PDE7A: variants seen among roughly 807,000 people sequenced by gnomAD.
PDE7A encodes the protein high affinity 3',5'-cyclic-AMP phosphodiesterase 7A.
PDE7A carries 39 observed loss-of-function variants against 64.3 expected under a neutral mutation model. That is an observed-to-expected ratio of 0.61 (90% CI 0.47 to 0.79). The LOEUF (loss-of-function observed/expected upper bound fraction) is 0.79. PDE7A is among the 30% of genes least tolerant of loss of function. The pLI is 0.00. For missense variants in PDE7A, 470 were observed against 582.8 expected, an observed-to-expected ratio of 0.81 and a Z score of 1.99; for synonymous variants, 203 against 206.8, an observed-to-expected ratio of 0.98 and a Z score of 0.16.
chr8:65,757,198 G>A (rs1808274573), intron 3 of PDE7A, among the ~76,000 whole-genome samples: 1 of 152,184 alleles, frequency 6.6e-6, no homozygotes, highest in Non-Finnish European at 1.5e-5. Context: ...GTCCTGCCTT[G>A]GGGCAGGTGA....
intron 3 of PDE7A, among the ~76,000 whole-genome samples, chr8:65,779,175 G>A (rs893670114): frequency 6.6e-6 from 1 of 152,118 alleles, no homozygotes; most frequent in Non-Finnish European, 1.5e-5. Flanking sequence ...ATTACTGAAA[G>A]TGGAACTCCT....
intron 3 of PDE7A, among the ~76,000 whole-genome samples, chr8:65,755,007 T>TA (rs1367930090): frequency 6.7e-6 from 1 of 149,420 alleles, no homozygotes. Flanking sequence ...ATTGCCTGTT[T>TA]ATTTTTTTTT....
chr8:65,789,746 T>C (rs1194198320), intron 1 of PDE7A, among the ~76,000 whole-genome samples: 4 of 152,214 alleles, frequency 2.6e-5, no homozygotes, highest in African/African-American at 9.6e-5. Flanking sequence ...CTGCAGATAA[T>C]ACTGCTGAGA....
At chr8:65,787,349 G>C (rs1809585793) in intron 1 of PDE7A, among the ~76,000 whole-genome samples, 1 of 152,130 alleles carries the variant, frequency 6.6e-6, no homozygotes, top group Non-Finnish European at 1.5e-5. Context: ...TTAAACACGG[G>C]AGCACTGAAC....
intron 1 of PDE7A, among the ~76,000 whole-genome samples, chr8:65,834,626 A>T (rs1810911073): frequency 6.6e-6 from 1 of 152,172 alleles, no homozygotes; most frequent in Non-Finnish European, 1.5e-5. Context: ...ACTTTGCTGA[A>T]ATTTAGTTAC....
chr8:65,734,567 G>A (rs1025404749), intron 7 of PDE7A, among the ~76,000 whole-genome samples: 9 of 152,120 alleles, frequency 5.9e-5, no homozygotes, highest in African/African-American at 1.7e-4. Flanking sequence ...CAAGTGACCT[G>A]GCCCTTGCTT....
chr8:65,771,240 T>G (rs959067270), intron 3 of PDE7A: 1 of 153,412 alleles, frequency 6.5e-6, no homozygotes, highest in Non-Finnish European at 1.5e-5. Flanking sequence ...TAATAAACTG[T>G]ACATATAAAA....
intron 5 of PDE7A, 113 bp from the exon 6 acceptor site, chr8:65,739,710 CT>C: frequency 8.9e-7 from 1 of 1,122,132 alleles, no homozygotes; most frequent in South Asian, 3.4e-5. Context: ...ATAATTCCCA[CT>C]TTTTGTCTAT....
intron 1 of PDE7A, among the ~76,000 whole-genome samples, chr8:65,830,451 T>C (rs1361945306): frequency 1.3e-5 from 2 of 152,044 alleles, no homozygotes; most frequent in Non-Finnish European, 2.9e-5. Flanking sequence ...GACCATCTAC[T>C]AAATTCGTAA....
At position 65,726,912 on chromosome 8, in the gene PDE7A, C is replaced by A; in HGVS notation, c.883G>T (p.Glu295Ter). Residue 295 changes from glutamate (E) to a stop codon, truncating the protein, a stop_gained, in exon 9 of 13, where the codon GAA becomes TAA. Transcript: ENST00000401827. LOFTEE classifies it high-confidence loss of function. ...GGCAGATGTGAGAATAAGCCTGATT[C>A]TCTCAATAAGCCCACTGCAGATCTC... ...HWRSAVGLLRESGLFSHLPLE... is the reference protein window; with the variant it reads ...HWRSAVGLLR 6.2e-7 allele frequency: 1 copy of A among 1,608,446 alleles called. No individual in the cohort carries two copies.
chr8:65,780,474 C>A (rs550570346), intron 2 of PDE7A, among the ~76,000 whole-genome samples: 3 of 152,344 alleles, frequency 2.0e-5, no homozygotes, highest in Admixed American at 2.0e-4. Context: ...GTCGTTCCTA[C>A]ATGTGCCCAC....
At position 65,769,104 on chromosome 8, in the gene PDE7A, C is replaced by T. The variant is rs1015721365; in HGVS notation, c.283+10616G>A. On this transcript the variant is annotated intron_variant, in intron 3 of 12. Transcript: ENST00000401827. ...CTCTACTAAAAATACAAAAATTAGC[C>T]GGGCGTGATGGCAGGCGCCTGTAAT... is the stretch of plus-strand genomic sequence containing the variant. 2.6e-5 allele frequency among the ~76,000 whole-genome samples: 4 copies of T among 151,882 alleles called. No individual in the cohort carries two copies. In the South Asian group the frequency reaches 6.2e-4, roughly 24 times the overall value.
At chr8:65,720,042 A>T (rs1221695616) in intron 12 of PDE7A, among the ~76,000 whole-genome samples, 2 of 152,256 alleles carry the variant, frequency 1.3e-5, no homozygotes, top group Admixed American at 1.3e-4. Context: ...GATAAGAGTC[A>T]GTCTAAAAAT....
chr8:65,816,219 A>G (rs1271267360), intron 1 of PDE7A, among the ~76,000 whole-genome samples: 1 of 152,248 alleles, frequency 6.6e-6, no homozygotes, highest in African/African-American at 2.4e-5. Flanking sequence ...AAAGTGGAAA[A>G]GAATCCTGAA....
At chr8:65,814,064 A>AT (rs142444102) in intron 1 of PDE7A, among the ~76,000 whole-genome samples, 6 of 150,890 alleles carry the variant, frequency 4.0e-5, no homozygotes, top group Admixed American at 6.6e-5. Flanking sequence ...TCATTACTGA[A>AT]TTTTTTTTTT....
intron 1 of PDE7A, among the ~76,000 whole-genome samples, chr8:65,827,827 T>C (rs1178184923): frequency 1.3e-5 from 2 of 152,174 alleles, no homozygotes; most frequent in African/African-American, 4.8e-5. Context: ...AAATATGATG[T>C]TCACACAACG....
At chr8:65,813,906 T>C (rs531263471) in intron 1 of PDE7A, among the ~76,000 whole-genome samples, 1 of 152,362 alleles carries the variant, frequency 6.6e-6, no homozygotes, top group South Asian at 2.1e-4. Flanking sequence ...AGTTCTTTAA[T>C]ATCACACCCA....
chr8:65,763,581 G>C (rs1290044772), intron 3 of PDE7A, among the ~76,000 whole-genome samples: 1 of 151,784 alleles, frequency 6.6e-6, no homozygotes, highest in Non-Finnish European at 1.5e-5. Context: ...AAAAAAGATT[G>C]ATTACTCTTA....
intron 3 of PDE7A, among the ~76,000 whole-genome samples, chr8:65,774,099 CCTCCCAT>C (rs1809188371): frequency 6.6e-6 from 1 of 152,114 alleles, no homozygotes; most frequent in Non-Finnish European, 1.5e-5. Flanking sequence ...GTTTCTTTCC[CCTCCCAT>C]CTCCTCAAGC....
Sources: allele counts gnomAD v4.1 joint callset (sites outside exome capture counted in the v4.1 genomes callset), GRCh38; gene constraint gnomAD v4.1.1; transcripts MANE v1.5; gene names NCBI Gene and HGNC (gene_info 2026-07-23, HGNC 2026-07-21).